KLHL6: variants seen among roughly 807,000 people sequenced by gnomAD.
The protein encoded by KLHL6 is kelch-like protein 6.
KLHL6 carries 41 observed loss-of-function variants against 58.6 expected under a neutral mutation model. The observed-to-expected ratio is 0.70, with a 90% CI of 0.55 to 0.91. The LOEUF (loss-of-function observed/expected upper bound fraction) is 0.91. Ranked by LOEUF, KLHL6 falls within the 40% of genes least tolerant of loss-of-function variation. The pLI, the probability that KLHL6 is intolerant of heterozygous loss-of-function variation, is 0.00. For missense variants in KLHL6, 714 were observed against 805.6 expected (o/e 0.89, Z 1.38); for synonymous variants, 338 against 322.7 (o/e 1.05, Z -0.51).
intron 2 of KLHL6, among the ~76,000 whole-genome samples, chr3:183,514,933 G>C (rs1711514942): frequency 6.6e-6 from 1 of 152,152 alleles, no homozygotes; most frequent in Non-Finnish European, 1.5e-5. Context: ...GCCTCCCAAA[G>C]TGCTGGGATT....
intron 1 of KLHL6, among the ~76,000 whole-genome samples, chr3:183,543,952 T>G (rs1712633482): frequency 6.6e-6 from 1 of 152,042 alleles, no homozygotes; most frequent in Non-Finnish European, 1.5e-5. Context: ...TCACCTGAGA[T>G]CAGGAGTTCA....
In KLHL6 at chr3:183,555,606, G is replaced by C; in HGVS notation, c.48C>G (p.Val16=). ...CCAGGGGCCCTTCCAAACTCTTCTCGACCACATCACCCATGGTCCAGGCGC... is the reference window on the plus strand; with the variant it reads ...CCAGGGGCCCTTCCAAACTCTTCTCCACCACATCACCCATGGTCCAGGCGC... ...QRGAWTMGDV[V]EKSLEGPLAP... The change falls in exon 1 of 7, where the codon GTC becomes GTG. Residue 16 remains valine, a synonymous_variant. Transcript: ENST00000341319. 5.6e-6 allele frequency: 9 copies of C among 1,613,278 alleles called. No individual in the cohort carries two copies. The highest frequency in any genetic ancestry group is 7.6e-6 in the Non-Finnish European group (9 of 1,179,744).
chr3:183,551,801 T>C (rs1006446363), intron 1 of KLHL6, among the ~76,000 whole-genome samples: 6 of 152,030 alleles, frequency 3.9e-5, no homozygotes, highest in African/African-American at 1.2e-4. Context: ...GAGGAGGAAA[T>C]AGGAATTTTT....
Position 183,488,037 on chromosome 3 carries a change from G to A in KLHL6, c.*3890C>T, listed in dbSNP as rs1310691700. The A allele has an allele frequency of 6.6e-6, 1 of 152,202 alleles. No homozygotes were observed. The highest frequency in any genetic ancestry group is 1.9e-4 in the East Asian group (1 of 5,196). 9.4% of individuals were successfully genotyped at this position (152,202 alleles called of 1,614,324 possible). A position where few individuals can be genotyped will look rare whatever the true frequency, so the allele number is the denominator to read the frequency against. On this transcript the variant is annotated 3_prime_UTR_variant, in exon 7 of 7. Transcript: ENST00000341319. The stretch of plus-strand genomic sequence containing the variant: ...GAACGTGATATTTGTATTTCCCTGA[G>A]AGCGTAGTTTGCTTTGAGTTCAAGG...
At chr3:183,547,987 C>T (rs962721549) in intron 1 of KLHL6, among the ~76,000 whole-genome samples, 1 of 152,152 alleles carries the variant, frequency 6.6e-6, no homozygotes, top group Non-Finnish European at 1.5e-5. Flanking sequence ...CCTCCTTGTG[C>T]TCATACACAC....
rs1717459181 is a variant in KLHL6, at chr3:183,488,512, T to A, written c.*3415A>T. The A allele has an allele frequency of 6.6e-6, 1 of 152,638 alleles. No individual in the cohort carries two copies. Among genetic ancestry groups the A allele is most frequent in the African/African-American group, 2.4e-5 (1 of 41,432 alleles). The allele number at this position is 152,638 out of a possible 1,614,324, so 9.5% of individuals were successfully genotyped here. On this transcript the variant is annotated 3_prime_UTR_variant, in exon 7 of 7. Transcript: ENST00000341319. The stretch of plus-strand genomic sequence containing the variant: ...GACCTCCTCCTACCCCATCTTCTTC[T>A]TCCCAGCCAGGGGTGCTCTGTCCAC...
chr3:183,525,354 G>A (rs1711930612), intron 2 of KLHL6, among the ~76,000 whole-genome samples: 1 of 151,776 alleles, frequency 6.6e-6, no homozygotes, highest in South Asian at 2.1e-4. Flanking sequence ...AATACCTTAG[G>A]GAAATGTTCT....
Position 183,491,046 on chromosome 3 carries a change from A to G in KLHL6, c.*881T>C, listed in dbSNP as rs1307924665. 5 of 152,206 alleles carry G rather than the reference A, an allele frequency of 3.3e-5. No homozygotes were observed. Among genetic ancestry groups the G allele is most frequent in the Admixed American group, 6.5e-5 (1 of 15,274 alleles). The allele number at this position is 152,206 out of a possible 1,614,324, so 9.4% of individuals were successfully genotyped here. A position where few individuals can be genotyped will look rare whatever the true frequency, so the allele number is the denominator to read the frequency against. The stretch of plus-strand genomic sequence containing the variant: ...ACACCTTTATTTCCCTGCTGTGCTG[A>G]GTGAATCTTTTAGCAGACTTGCCGA... On this transcript the variant is annotated 3_prime_UTR_variant, in exon 7 of 7. Coordinates refer to ENST00000341319, the MANE Select transcript of KLHL6 (RefSeq NM_130446.4).
rs551961880 is a variant in KLHL6 at position 183,515,232 on chromosome 3, G to A, written c.460-6724C>T. ...GACGGTGCTTGGAACCCCACCTCTGGACATTTAAAATTCTGGGTCAATAAT... is the reference window on the plus strand; with the variant it reads ...GACGGTGCTTGGAACCCCACCTCTGAACATTTAAAATTCTGGGTCAATAAT... On this transcript the variant is annotated intron_variant, in intron 2 of 6. Transcript: ENST00000341319. 3.3e-5 allele frequency among the ~76,000 whole-genome samples: 5 copies of A among 152,144 alleles called. No individual in the cohort carries two copies. In the South Asian group the frequency reaches 8.3e-4, roughly 25 times the overall value.
intron 2 of KLHL6, among the ~76,000 whole-genome samples, chr3:183,526,172 G>T (rs113319217): frequency 6.6e-6 from 1 of 151,922 alleles, no homozygotes; most frequent in African/African-American, 2.4e-5. Context: ...TTAGCCGGGC[G>T]TGGTGGCACA....
At chr3:183,525,945 G>A (rs978401868) in intron 2 of KLHL6, among the ~76,000 whole-genome samples, 1 of 152,208 alleles carries the variant, frequency 6.6e-6, no homozygotes, top group African/African-American at 2.4e-5. Context: ...CTGCAAACAG[G>A]CAGTGTCACT....
chr3:183,541,005 C>T (rs1426899636), intron 1 of KLHL6, among the ~76,000 whole-genome samples: 5 of 152,202 alleles, frequency 3.3e-5, no homozygotes, highest in African/African-American at 1.2e-4. Context: ...TCCACTCCCA[C>T]CTCCAGGACT....
chr3:183,530,955 T>G (rs1021707798), intron 1 of KLHL6, among the ~76,000 whole-genome samples: 1 of 151,678 alleles, frequency 6.6e-6, no homozygotes, highest in Non-Finnish European at 1.5e-5. Context: ...CCTTAGCCTC[T>G]GGAGTAGCTG....
chr3:183,537,298 G>A (rs1427302976), intron 1 of KLHL6, among the ~76,000 whole-genome samples: 1 of 152,142 alleles, frequency 6.6e-6, no homozygotes, highest in African/African-American at 2.4e-5. Flanking sequence ...AAATCAGCAG[G>A]AGTTCAAGGC....
At chr3:183,546,172 G>T (rs982006255) in intron 1 of KLHL6, among the ~76,000 whole-genome samples, 1 of 152,212 alleles carries the variant, frequency 6.6e-6, no homozygotes, top group African/African-American at 2.4e-5. Flanking sequence ...GGGAGCAGAG[G>T]AGTGAACGTG....
chr3:183,551,122 GAAAAAAA>G (rs35352469), intron 1 of KLHL6, among the ~76,000 whole-genome samples: 1 of 131,660 alleles, frequency 7.6e-6, no homozygotes, highest in Non-Finnish European at 1.6e-5. Flanking sequence ...CTCTGTCTCA[GAAAAAAA>G]AAAAAAAAAA....
At chr3:183,525,779 C>T (rs901034215) in intron 2 of KLHL6, among the ~76,000 whole-genome samples, 4 of 152,192 alleles carry the variant, frequency 2.6e-5, no homozygotes, top group Admixed American at 2.6e-4. Flanking sequence ...CGCAGACCTG[C>T]GGCAATGCCC....
At chr3:183,537,490 G>C (rs989209819) in intron 1 of KLHL6, among the ~76,000 whole-genome samples, 1 of 152,202 alleles carries the variant, frequency 6.6e-6, no homozygotes, top group Non-Finnish European at 1.5e-5. Context: ...GTAAAACAGA[G>C]GTAGCTAGGA....
rs904757656 is a variant in KLHL6 at position 183,499,332 on chromosome 3, C to T, written c.1147+258G>A. ...CTGCACTCCAGCCTGAGCAACAGAG[C>T]GAGACGCTGTCTCAAAAAAAAAAGA... is the stretch of plus-strand genomic sequence containing the variant. On this transcript the variant is annotated intron_variant, in intron 4 of 6. Coordinates refer to ENST00000341319, the MANE Select transcript of KLHL6 (RefSeq NM_130446.4). The surrounding 1 kb of genome is among the most constrained non-coding windows in gnomAD (Gnocchi z 4.6). Among the ~76,000 whole-genome samples, 1 of 148,014 alleles carries T rather than the reference C, an allele frequency of 6.8e-6. No individual in the cohort carries two copies. The highest frequency in any genetic ancestry group is 2.5e-5 in the African/African-American group (1 of 40,638).
Sources: gnomAD v4.1 joint callset for allele counts (sites outside exome capture counted in the v4.1 genomes callset) on GRCh38, gnomAD v4.1.1 for gene constraint, Gnocchi (gnomAD v3.1) non-coding constraint, MANE v1.5 for transcripts, NCBI Gene and HGNC (gene_info 2026-07-23, HGNC 2026-07-21) for gene names.